BMPR1B: variants seen among roughly 807,000 people sequenced by gnomAD.
The protein encoded by BMPR1B is bone morphogenetic protein receptor type-1B.
A neutral mutation model predicts 59.1 loss-of-function variants in BMPR1B; 12 were observed. That is an observed-to-expected ratio of 0.20 (90% CI 0.13 to 0.33). The LOEUF is 0.33. BMPR1B is among the 10% of genes least tolerant of loss of function. BMPR1B has a pLI of 1.00. For missense variants in BMPR1B, 550 were observed against 610.9 expected (o/e 0.90, Z 1.05); for synonymous variants, 237 against 207.3 (o/e 1.14, Z -1.23).
intron 1 of BMPR1B, among the ~76,000 whole-genome samples, chr4:94,836,128 A>C (rs2148928923): frequency 6.7e-6 from 1 of 148,404 alleles, no homozygotes; most frequent in South Asian, 2.2e-4. Context: ...CATGGTGTAT[A>C]TGTGCCACAT....
At chr4:95,138,543 C>T (rs899225322) in intron 10 of BMPR1B, among the ~76,000 whole-genome samples, 3 of 148,584 alleles carry the variant, frequency 2.0e-5, no homozygotes, top group Non-Finnish European at 2.9e-5. Flanking sequence ...TTCAGGTACA[C>T]CAATCAGACG....
chr4:95,022,756 G>T (rs1724085380), intron 3 of BMPR1B, among the ~76,000 whole-genome samples: 1 of 152,058 alleles, frequency 6.6e-6, no homozygotes, highest in South Asian at 2.1e-4. Context: ...TGGGAATTGA[G>T]TTTTTAAATG....
At chr4:94,970,319 T>TTCTCTTTCTCTCG in intron 2 of BMPR1B, among the ~76,000 whole-genome samples, 1 of 123,920 alleles carries the variant, frequency 8.1e-6, no homozygotes, top group Admixed American at 8.0e-5. Flanking sequence ...TCTCTCTCTT[T>TTCTCTTTCTCTCG]CTCTCTTTTT....
chr4:95,078,015 C>T (rs73838021), intron 3 of BMPR1B, among the ~76,000 whole-genome samples: 6,597 of 152,196 alleles, frequency 0.043, 487 homozygotes, highest in African/African-American at 0.15. Flanking sequence ...GAGTCAGTAA[C>T]ATGAGTATGC....
chr4:95,134,624 A>G (rs1420490014), intron 10 of BMPR1B, among the ~76,000 whole-genome samples: 1 of 152,146 alleles, frequency 6.6e-6, no homozygotes, highest in African/African-American at 2.4e-5. Context: ...GCCAGTGATG[A>G]TGAGCATTTT....
In BMPR1B at chr4:95,042,136, G is replaced by A. The variant is rs11723059; in HGVS notation, c.-18+46002G>A. 2.1e-3 allele frequency among the ~76,000 whole-genome samples: 315 copies of A among 152,296 alleles called. 2 individuals are homozygous for A. The highest frequency in any genetic ancestry group is 7.3e-3 in the South Asian group (35 of 4,822). Reference sequence around the variant, plus strand: ...CTCCCAAAGTGCTGGGATTACAGGCGTGAGCCACCATGCCCAGCCAATCCA... The same window carrying A: ...CTCCCAAAGTGCTGGGATTACAGGCATGAGCCACCATGCCCAGCCAATCCA... On this transcript the variant is annotated intron_variant, in intron 3 of 12. Transcript: ENST00000515059.
intron 1 of BMPR1B, among the ~76,000 whole-genome samples, chr4:94,794,449 G>C (rs1250598835): frequency 1.4e-5 from 2 of 147,620 alleles, no homozygotes; most frequent in African/African-American, 5.2e-5. Context: ...AAGTCAGGTA[G>C]TGTGATGCCT....
chr4:94,885,276 T>C (rs756649921), intron 2 of BMPR1B, among the ~76,000 whole-genome samples: 16 of 152,146 alleles, frequency 1.1e-4, no homozygotes, highest in Non-Finnish European at 1.8e-4. Flanking sequence ...TAAACAGATA[T>C]TAGTGCCTTT....
At chr4:95,092,281 T>A (rs577563346) in intron 3 of BMPR1B, among the ~76,000 whole-genome samples, 1 of 152,208 alleles carries the variant, frequency 6.6e-6, no homozygotes, top group African/African-American at 2.4e-5. Flanking sequence ...GGCAAGTATA[T>A]TTTAGTAATT....
At chr4:94,830,768 C>T (rs948735219) in intron 1 of BMPR1B, among the ~76,000 whole-genome samples, 1 of 152,158 alleles carries the variant, frequency 6.6e-6, no homozygotes, top group Middle Eastern at 3.2e-3. Context: ...TGAAAAATTC[C>T]TGTTGCTGCC....
intron 3 of BMPR1B, among the ~76,000 whole-genome samples, chr4:95,011,500 C>A (rs943708704): frequency 6.6e-6 from 1 of 152,054 alleles, no homozygotes; most frequent in Non-Finnish European, 1.5e-5. Flanking sequence ...TGGCTGCTGT[C>A]GCTCTAGCTG....
intron 2 of BMPR1B, among the ~76,000 whole-genome samples, chr4:94,909,481 A>G (rs144488009): frequency 8.4e-4 from 128 of 152,078 alleles, no homozygotes; most frequent in African/African-American, 2.9e-3. Context: ...TTGAGATAAT[A>G]ATGATGCCCA....
At chr4:95,007,052 C>T (rs1338628253) in intron 3 of BMPR1B, among the ~76,000 whole-genome samples, 1 of 152,056 alleles carries the variant, frequency 6.6e-6, no homozygotes, top group African/African-American at 2.4e-5. Context: ...AACATTAATA[C>T]ATTAATTAAT....
chr4:94,972,398 A>C lies in BMPR1B; in HGVS notation c.-112-23642A>C, dbSNP rs141668053. 9.0e-3 allele frequency among the ~76,000 whole-genome samples: 1,365 copies of C among 152,272 alleles called. 18 individuals are homozygous for C. The highest frequency in any genetic ancestry group is 0.039 in the South Asian group (186 of 4,830). On this transcript the variant is annotated intron_variant, in intron 2 of 12. Coordinates refer to ENST00000515059, the MANE Select transcript of BMPR1B (RefSeq NM_001203.3). ...ACTATAAGGGAAAAATGAAATATTC[A>C]TTAGTTCTATTACTTGATACAACCA... is the stretch of plus-strand genomic sequence containing the variant.
rs572280302 is a variant in BMPR1B, at chr4:94,823,525, A to C, written c.-182-52306A>C. 4.3e-4 allele frequency among the ~76,000 whole-genome samples: 66 copies of C among 152,302 alleles called. 1 individual carries two copies. Among genetic ancestry groups the C allele is most frequent in the African/African-American group, 1.5e-3 (61 of 41,576 alleles). ...AAAGTGATTCTGAGAGACAACTAGC[A>C]GAGGAGAAGGAATTAATGGTCACAG... On this transcript the variant is annotated intron_variant, in intron 1 of 12. Coordinates refer to ENST00000515059, the MANE Select transcript of BMPR1B (RefSeq NM_001203.3).
intron 3 of BMPR1B, among the ~76,000 whole-genome samples, chr4:95,103,980 A>G (rs977547578): frequency 1.8e-4 from 27 of 152,208 alleles, no homozygotes; most frequent in African/African-American, 6.5e-4. Flanking sequence ...AGCTGAAACA[A>G]TTTGAGTTTA....
At chr4:95,013,545 C>A (rs751398527) in intron 3 of BMPR1B, among the ~76,000 whole-genome samples, 4 of 152,132 alleles carry the variant, frequency 2.6e-5, no homozygotes, top group Non-Finnish European at 4.4e-5. Flanking sequence ...AGGATTTATA[C>A]AGTCATTGTT....
At chr4:95,020,262 C>T (rs781134717) in intron 3 of BMPR1B, among the ~76,000 whole-genome samples, 1 of 152,110 alleles carries the variant, frequency 6.6e-6, no homozygotes, top group Admixed American at 6.6e-5. Flanking sequence ...AAACATCTTA[C>T]ACTACAAGGA....
chr4:94,882,226 T>G (rs569012435), intron 2 of BMPR1B, among the ~76,000 whole-genome samples: 1 of 152,354 alleles, frequency 6.6e-6, no homozygotes, highest in East Asian at 1.9e-4. Context: ...TAGAGGAATA[T>G]TTTCTTCATA....
Sources: allele counts gnomAD v4.1 joint callset (sites outside exome capture counted in the v4.1 genomes callset), GRCh38; gene constraint gnomAD v4.1.1; transcripts MANE v1.5; gene names NCBI Gene and HGNC (gene_info 2026-07-23, HGNC 2026-07-21).